The following CSNK1D variants were observed in gnomAD, a reference collection of about 807,000 sequenced individuals.
CSNK1D encodes the protein casein kinase I isoform delta.
In CSNK1D, 16 loss-of-function variants were observed where a neutral mutation model predicts 46.6. That is an observed-to-expected ratio of 0.34 (90% CI 0.23 to 0.52). The LOEUF is 0.52. CSNK1D is among the 20% of genes least tolerant of loss of function. CSNK1D has a pLI of 0.95. For missense variants in CSNK1D, 398 were observed against 578.4 expected (o/e 0.69, Z 3.20); for synonymous variants, 276 against 228.2 (o/e 1.21, Z -1.89).
chr17:82,271,544 T>G (rs1462138225), intron 1 of CSNK1D, among the ~76,000 whole-genome samples: 3 of 152,360 alleles, frequency 2.0e-5, no homozygotes, highest in African/African-American at 7.2e-5. Flanking sequence ...CACATCCAGC[T>G]GACCACCTGG....
rs1204149641 is a variant in CSNK1D, at chr17:82,252,401, A to G, written c.736+33T>C. The G allele has an allele frequency of 6.2e-7, 1 of 1,613,112 alleles. No homozygotes were observed. Among genetic ancestry groups the G allele is most frequent in the African/African-American group, 1.3e-5 (1 of 75,046 alleles). ...CGACACATATGCAACCCCTGTGAGCAGCTCCGCTGAGAAGAGGCCTCCAGA... is the reference window on the plus strand; with the variant it reads ...CGACACATATGCAACCCCTGTGAGCGGCTCCGCTGAGAAGAGGCCTCCAGA... On this transcript the variant is annotated intron_variant, in intron 5 of 8. Transcript: ENST00000314028. This position sits in a 1 kb window ranked among gnomAD's most constrained non-coding sequence, Gnocchi z 4.6.
chr17:82,246,163 G>T, intron 8 of CSNK1D: 1 of 1,542,368 alleles, frequency 6.5e-7, no homozygotes, highest in Non-Finnish European at 8.7e-7. Context: ...GGTGCCACCT[G>T]GGGGAGCCCA....
At chr17:82,268,279 C>T (rs1313054698) in intron 1 of CSNK1D, among the ~76,000 whole-genome samples, 2 of 152,238 alleles carry the variant, frequency 1.3e-5, no homozygotes, top group Admixed American at 6.5e-5. Flanking sequence ...TCGCTGAGCA[C>T]TGCTCAGACC....
chr17:82,261,514 G>A (rs1313834965), intron 2 of CSNK1D, among the ~76,000 whole-genome samples: 1 of 152,154 alleles, frequency 6.6e-6, no homozygotes, highest in Admixed American at 6.5e-5. Flanking sequence ...AATGCAAATA[G>A]AAATTTTCAT....
chr17:82,259,489 T>TA (rs960683314), intron 2 of CSNK1D, among the ~76,000 whole-genome samples: 52 of 152,220 alleles, frequency 3.4e-4, no homozygotes, highest in African/African-American at 1.2e-3. Context: ...GAAATCTACA[T>TA]AACCACCTTG....
chr17:82,273,602 A>T lies in CSNK1D; in HGVS notation c.-221T>A, dbSNP rs1567824905. On this transcript the variant is annotated 5_prime_UTR_variant, in exon 1 of 9. Coordinates refer to ENST00000314028, the MANE Select transcript of CSNK1D (RefSeq NM_001893.6). The surrounding 1 kb of genome is among the most constrained non-coding windows in gnomAD (Gnocchi z 5.1). ...CGCCGCCGCCGCTGCTCCGGCCCCTACCGGTCCCGCTTGCCCTCTCCCCGC... is the reference window on the plus strand; with the variant it reads ...CGCCGCCGCCGCTGCTCCGGCCCCTTCCGGTCCCGCTTGCCCTCTCCCCGC... 1.7e-6 allele frequency: 1 copy of T among 579,608 alleles called. No homozygotes were observed. Among genetic ancestry groups the T allele is most frequent in the Non-Finnish European group, 3.0e-6 (1 of 334,226 alleles). The allele number at this position is 579,608 out of a possible 1,614,324, so 35.9% of individuals were successfully genotyped here. A position where few individuals can be genotyped will look rare whatever the true frequency, so the allele number is the denominator to read the frequency against.
chr17:82,269,413 G>C (rs544744106), intron 1 of CSNK1D, among the ~76,000 whole-genome samples: 2 of 152,282 alleles, frequency 1.3e-5, no homozygotes, highest in East Asian at 1.9e-4. Flanking sequence ...AGAACAGGTG[G>C]TCGCTCTCCT....
At chr17:82,268,891 C>G (rs1351626253) in intron 1 of CSNK1D, among the ~76,000 whole-genome samples, 1 of 151,862 alleles carries the variant, frequency 6.6e-6, no homozygotes. Flanking sequence ...GTCAGGCATT[C>G]GAGACCAGCC....
At chr17:82,254,095 G>A (rs1193068197) in intron 3 of CSNK1D, 5 of 189,384 alleles carry the variant, frequency 2.6e-5, no homozygotes, top group African/African-American at 7.7e-5. Context: ...CTGAGCCGCC[G>A]GAGCCTCGAG....
Position 82,273,608 on chromosome 17 carries a change from C to G in CSNK1D, c.-227G>C. The G allele has an allele frequency of 1.8e-6, 1 of 563,420 alleles. No individual in the cohort carries two copies. Among genetic ancestry groups the G allele is most frequent in the Non-Finnish European group, 3.1e-6 (1 of 323,722 alleles). 34.9% of individuals were successfully genotyped at this position (563,420 alleles called of 1,614,324 possible). A position where few individuals can be genotyped will look rare whatever the true frequency, so the allele number is the denominator to read the frequency against. Reference sequence around the variant, plus strand: ...CGCCGCTGCTCCGGCCCCTACCGGTCCCGCTTGCCCTCTCCCCGCCGCGGA... The same window carrying G: ...CGCCGCTGCTCCGGCCCCTACCGGTGCCGCTTGCCCTCTCCCCGCCGCGGA... On this transcript the variant is annotated 5_prime_UTR_variant, in exon 1 of 9. Coordinates refer to ENST00000314028, the MANE Select transcript of CSNK1D (RefSeq NM_001893.6). The surrounding 1 kb of genome is among the most constrained non-coding windows in gnomAD (Gnocchi z 5.1).
At position 82,249,746 on chromosome 17, in the gene CSNK1D, C is replaced by T. The variant is rs1241540928; in HGVS notation, c.886-144G>A. The T allele has an allele frequency of 4.7e-6, 7 of 1,495,888 alleles. No homozygotes were observed. Among genetic ancestry groups the T allele is most frequent in the South Asian group, 2.6e-5 (2 of 77,560 alleles). 92.7% of individuals were successfully genotyped at this position (1,495,888 alleles called of 1,614,324 possible). On this transcript the variant is annotated intron_variant, in intron 6 of 8. Coordinates refer to ENST00000314028, the MANE Select transcript of CSNK1D (RefSeq NM_001893.6). This position sits in a 1 kb window ranked among gnomAD's most constrained non-coding sequence, Gnocchi z 6.7. ...CCTGCAAAGCCCCCCACAGGCTGCA[C>T]GTTTCTCCTCATGGGATGACAGCAT...
Position 82,250,211 on chromosome 17 carries a change from T to C in CSNK1D, c.886-609A>G, listed in dbSNP as rs1473830439. 1 of 1,289,832 alleles carries C rather than the reference T, an allele frequency of 7.8e-7. No individual in the cohort carries two copies. Among genetic ancestry groups the C allele is most frequent in the South Asian group, 1.2e-5 (1 of 81,032 alleles). The allele number at this position is 1,289,832 out of a possible 1,614,324, so 79.9% of individuals were successfully genotyped here. ...AAAAGCAGATTCTAACTGCCAATGC[T>C]GTGCGGCAGGGGCCTGCAAACTACA... is the stretch of plus-strand genomic sequence containing the variant. On this transcript the variant is annotated intron_variant, in intron 6 of 8. Coordinates refer to ENST00000314028, the MANE Select transcript of CSNK1D (RefSeq NM_001893.6). This position sits in a 1 kb window ranked among gnomAD's most constrained non-coding sequence, Gnocchi z 4.6.
intron 2 of CSNK1D, among the ~76,000 whole-genome samples, chr17:82,260,284 GA>G (rs1454770532): frequency 6.6e-6 from 1 of 150,454 alleles, no homozygotes; most frequent in Admixed American, 6.6e-5. Flanking sequence ...TGTACTGAGT[GA>G]TGCGACTGAT....
rs964102812 is a variant in CSNK1D at position 82,251,167 on chromosome 17, C to A, written c.885+212G>T. On this transcript the variant is annotated intron_variant, in intron 6 of 8. Coordinates refer to ENST00000314028, the MANE Select transcript of CSNK1D (RefSeq NM_001893.6). This position sits in a 1 kb window ranked among gnomAD's most constrained non-coding sequence, Gnocchi z 4.5. ...ACACCCAGGAATTCCATGGACCCCT[C>A]TGCGTTCCCTAATGGCGTCTTACTT... 1.7e-6 allele frequency: 1 copy of A among 582,824 alleles called. No homozygotes were observed. Among genetic ancestry groups the A allele is most frequent in the Non-Finnish European group, 3.1e-6 (1 of 325,452 alleles). 36.1% of individuals were successfully genotyped at this position (582,824 alleles called of 1,614,324 possible).
intron 1 of CSNK1D, among the ~76,000 whole-genome samples, chr17:82,270,549 G>A (rs868305917): frequency 6.6e-6 from 1 of 152,160 alleles, no homozygotes; most frequent in Non-Finnish European, 1.5e-5. Flanking sequence ...TGTGTAACTG[G>A]CTGCCCAAAC....
In CSNK1D at chr17:82,249,818, T is replaced by C; in HGVS notation, c.886-216A>G. ...CCAGGCCTCTCAGCTCCCCCAACAATCGAAAAAACCCCACTCGCCATGGCA... is the reference window on the plus strand; with the variant it reads ...CCAGGCCTCTCAGCTCCCCCAACAACCGAAAAAACCCCACTCGCCATGGCA... On this transcript the variant is annotated intron_variant, in intron 6 of 8. Transcript: ENST00000314028. This position sits in a 1 kb window ranked among gnomAD's most constrained non-coding sequence, Gnocchi z 6.7. The C allele has an allele frequency of 7.0e-7, 1 of 1,432,634 alleles. No homozygotes were observed. Among genetic ancestry groups the C allele is most frequent in the South Asian group, 1.5e-5 (1 of 67,192 alleles). The allele number at this position is 1,432,634 out of a possible 1,614,324, so 88.7% of individuals were successfully genotyped here.
chr17:82,271,568 T>C (rs1388867591), intron 1 of CSNK1D, among the ~76,000 whole-genome samples: 2 of 152,198 alleles, frequency 1.3e-5, no homozygotes, highest in East Asian at 1.9e-4. Context: ...AAATGTTTAA[T>C]AGCCAAACCC....
chr17:82,239,968 C>T (rs572729507), downstream of CSNK1D: 64 of 1,232,908 alleles, frequency 5.2e-5, no homozygotes, highest in East Asian at 6.9e-4. Context: ...CAGAGGCCGC[C>T]GGGGCCCTCA....
At chr17:82,259,220 G>A (rs960965738) in intron 2 of CSNK1D, among the ~76,000 whole-genome samples, 2 of 152,164 alleles carry the variant, frequency 1.3e-5, no homozygotes, top group African/African-American at 4.8e-5. Context: ...GCTACTGTAA[G>A]CATTATGTTT....
Sources: allele counts gnomAD v4.1 joint callset (sites outside exome capture counted in the v4.1 genomes callset), GRCh38; gene constraint gnomAD v4.1.1; non-coding constraint Gnocchi (gnomAD v3.1); transcripts MANE v1.5; gene names NCBI Gene and HGNC (gene_info 2026-07-23, HGNC 2026-07-21).